The following CDH13 variants were observed in gnomAD, a reference collection of about 807,000 sequenced individuals.
CDH13 encodes the protein cadherin-13.
In CDH13, 24 loss-of-function variants were observed where a neutral mutation model predicts 63.8. That is an observed-to-expected ratio of 0.38 (90% CI 0.27 to 0.53). CDH13 has a LOEUF of 0.53. Among genes scored for constraint, CDH13 ranks in the 20% least tolerant of loss-of-function variants. The pLI, the probability that CDH13 is intolerant of heterozygous loss-of-function variation, is 0.85. For missense variants in CDH13, 1,049 were observed against 903.1 expected, an observed-to-expected ratio of 1.16 and a Z score of -2.07; for synonymous variants, 503 against 355.3, an observed-to-expected ratio of 1.42 and a Z score of -4.67.
At chr16:82,777,938 A>G (rs1396804690) in intron 1 of CDH13, among the ~76,000 whole-genome samples, 1 of 152,208 alleles carries the variant, frequency 6.6e-6, no homozygotes, top group Non-Finnish European at 1.5e-5. Context: ...AGGTGAGAAG[A>G]GCCAGAAAGC....
chr16:83,271,964 A>C (rs776196280), intron 5 of CDH13, among the ~76,000 whole-genome samples: 1 of 152,220 alleles, frequency 6.6e-6, no homozygotes. Context: ...TACATCTCAC[A>C]TATCATAATG....
In CDH13 at chr16:83,721,378, A is replaced by T. The variant is rs1909672087; in HGVS notation, c.1539-26730A>T. The T allele has an allele frequency of 1.3e-5, 2 of 152,226 alleles. 1 individual carries two copies. Among genetic ancestry groups the T allele is most frequent in the South Asian group, 4.1e-4 (2 of 4,834 alleles). 9.4% of individuals were successfully genotyped at this position (152,226 alleles called of 1,614,324 possible). A position where few individuals can be genotyped will look rare whatever the true frequency, so the allele number is the denominator to read the frequency against. On this transcript the variant is annotated intron_variant, in intron 10 of 13. Transcript: ENST00000567109. The stretch of plus-strand genomic sequence containing the variant: ...AGAAGTTGCCTTCTCTTGATCTTTG[A>T]AGCAATTAAATGTCATTTAGAGAGG...
chr16:82,673,931 G>C (rs1913592679), intron 1 of CDH13, among the ~76,000 whole-genome samples: 1 of 152,204 alleles, frequency 6.6e-6, no homozygotes, highest in Non-Finnish European at 1.5e-5. Flanking sequence ...TGCATCTTTA[G>C]TATGTGAGTT....
chr16:82,835,779 A>T (rs555492356), intron 1 of CDH13, among the ~76,000 whole-genome samples: 143 of 152,322 alleles, frequency 9.4e-4, no homozygotes, highest in Non-Finnish European at 1.7e-3. Flanking sequence ...TGATCAATCC[A>T]TATGCATGTT....
At chr16:83,573,385 G>A (rs1027824645) in intron 7 of CDH13, among the ~76,000 whole-genome samples, 4 of 152,164 alleles carry the variant, frequency 2.6e-5, no homozygotes, top group South Asian at 2.1e-4. Context: ...CAAAAAAACC[G>A]GAATGACAGT....
chr16:82,732,211 C>G (rs2033439860), intron 1 of CDH13, among the ~76,000 whole-genome samples: 1 of 152,088 alleles, frequency 6.6e-6, no homozygotes, highest in South Asian at 2.1e-4. Flanking sequence ...ATCATCGTGT[C>G]TTTGGAGTCT....
intron 2 of CDH13, among the ~76,000 whole-genome samples, chr16:83,018,713 G>A (rs1020696816): frequency 2.0e-5 from 3 of 152,134 alleles, no homozygotes; most frequent in African/African-American, 7.2e-5. Flanking sequence ...AAACCTAGAG[G>A]GTATAGCCTA....
At chr16:83,398,835 G>T (rs893005870) in intron 6 of CDH13, among the ~76,000 whole-genome samples, 9 of 152,114 alleles carry the variant, frequency 5.9e-5, no homozygotes, top group Non-Finnish European at 1.2e-4. Flanking sequence ...GATTTATTGT[G>T]CCCATTAAGC....
In CDH13 at chr16:83,781,639, T is replaced by C. The variant is rs989964465; in HGVS notation, c.1915+1438T>C. The stretch of plus-strand genomic sequence containing the variant: ...ATGAATTCTGTTATACTGATTATTT[T>C]TAATTAAAACAGACCTTCTCTTGTT... On this transcript the variant is annotated intron_variant, in intron 12 of 13. Transcript: ENST00000567109. Among the ~76,000 whole-genome samples the C allele has an allele frequency of 2.6e-5, 4 of 152,220 alleles. No individual in the cohort carries two copies. In the South Asian group the frequency reaches 8.3e-4, roughly 32 times the overall value.
chr16:82,821,489 C>T (rs551647050), intron 1 of CDH13, among the ~76,000 whole-genome samples: 25 of 152,286 alleles, frequency 1.6e-4, no homozygotes, highest in Middle Eastern at 3.4e-3. Flanking sequence ...AAGAGATCTG[C>T]CCTATCCACA....
intron 5 of CDH13, among the ~76,000 whole-genome samples, chr16:83,338,591 C>T (rs987309027): frequency 1.2e-4 from 19 of 152,236 alleles, no homozygotes; most frequent in Admixed American, 8.5e-4. Context: ...AGCAAGGAGG[C>T]TGACGCCATG....
At chr16:83,237,088 C>A (rs746217481) in intron 5 of CDH13, among the ~76,000 whole-genome samples, 5 of 152,080 alleles carry the variant, frequency 3.3e-5, no homozygotes, top group African/African-American at 1.2e-4. Context: ...GGGGATGTTC[C>A]GCCACATTCT....
At chr16:83,499,570 T>C (rs117674661) in intron 7 of CDH13, among the ~76,000 whole-genome samples, 2,169 of 152,360 alleles carry the variant, frequency 0.014, 16 homozygotes, top group Non-Finnish European at 0.024. Context: ...TCCCTGAGAA[T>C]TCCCTTATCA....
intron 1 of CDH13, among the ~76,000 whole-genome samples, chr16:82,838,136 T>C (rs2038849234): frequency 6.6e-6 from 1 of 152,230 alleles, no homozygotes; most frequent in Non-Finnish European, 1.5e-5. Flanking sequence ...GCTCTTCCCC[T>C]GAGTTCTCCA....
In CDH13 at chr16:83,206,005, C is replaced by T. The variant is rs527506265; in HGVS notation, c.484-11340C>T. On this transcript the variant is annotated intron_variant, in intron 4 of 13. Transcript: ENST00000567109. Reference sequence around the variant, plus strand: ...ATATTATTAACAGGCATAGACTGAGCTCTTACAGTGAGAACAGCCTTGTGC... The same window carrying T: ...ATATTATTAACAGGCATAGACTGAGTTCTTACAGTGAGAACAGCCTTGTGC... Among the ~76,000 whole-genome samples the T allele has an allele frequency of 7.9e-4, 121 of 152,250 alleles. 1 individual carries two copies. The highest frequency in any genetic ancestry group is 1.3e-3 in the Non-Finnish European group (91 of 68,028).
intron 1 of CDH13, among the ~76,000 whole-genome samples, chr16:82,711,579 C>A (rs966721557): frequency 6.6e-6 from 1 of 152,130 alleles, no homozygotes. Context: ...ATAGACCTAC[C>A]TTCTTATTGC....
chr16:83,475,865 A>G (rs2073590323), intron 6 of CDH13, among the ~76,000 whole-genome samples: 1 of 152,186 alleles, frequency 6.6e-6, no homozygotes, highest in South Asian at 2.1e-4. Context: ...GATTACAGGC[A>G]TGAGCCACCA....
chr16:83,381,912 T>C (rs995611783), intron 6 of CDH13, among the ~76,000 whole-genome samples: 4 of 152,182 alleles, frequency 2.6e-5, no homozygotes, highest in African/African-American at 7.2e-5. Context: ...CTTGCTGTCA[T>C]TCTGTGCAGA....
intron 5 of CDH13, among the ~76,000 whole-genome samples, chr16:83,336,731 G>C (rs1192499613): frequency 6.6e-6 from 1 of 152,172 alleles, no homozygotes; most frequent in South Asian, 2.1e-4. Context: ...TCATCAAACT[G>C]TTTTCTAAAT....
Sources: allele counts gnomAD v4.1 joint callset (sites outside exome capture counted in the v4.1 genomes callset), GRCh38; gene constraint gnomAD v4.1.1; transcripts MANE v1.5; gene names NCBI Gene and HGNC (gene_info 2026-07-23, HGNC 2026-07-21).